RIPOR3: variants seen among roughly 807,000 people sequenced by gnomAD.
RIPOR3 encodes RIPOR family member 3, also known as family with sequence similarity 65 member C.
RIPOR3 carries 95 observed loss-of-function variants against 114.3 expected under a neutral mutation model. That is an observed-to-expected ratio of 0.83 (90% confidence interval 0.70 to 0.99). The LOEUF (loss-of-function observed/expected upper bound fraction) is 0.99, where lower values mean the gene tolerates loss of function less well. Ranked by LOEUF, RIPOR3 falls within the 50% of genes least tolerant of loss-of-function variation. The probability of loss-of-function intolerance (pLI) is 0.00; values close to 1 mark genes in which losing one functional copy is unlikely to be tolerated. For missense variants in RIPOR3, 1,252 were observed against 1,266.9 expected, an observed-to-expected ratio of 0.99 and a Z score of 0.18; for synonymous variants, 575 against 543.8, an observed-to-expected ratio of 1.06 and a Z score of -0.80.
At chr20:50,679,066 C>T (rs1167281712) in intron 1 of RIPOR3, among the ~76,000 whole-genome samples, 4 of 127,976 alleles carry the variant, frequency 3.1e-5, no homozygotes, top group Admixed American at 8.9e-5. Flanking sequence ...GATTGCACCA[C>T]TACACTCCAG....
chr20:50,661,492 C>T (rs1243135602), intron 1 of RIPOR3, among the ~76,000 whole-genome samples: 1 of 152,128 alleles, frequency 6.6e-6, no homozygotes, highest in Non-Finnish European at 1.5e-5. Context: ...ACAAACATTC[C>T]TCCCTAAAGC....
intron 2 of RIPOR3, among the ~76,000 whole-genome samples, chr20:50,628,867 G>A (rs2084717089): frequency 6.6e-6 from 1 of 152,214 alleles, no homozygotes; most frequent in Non-Finnish European, 1.5e-5. Flanking sequence ...GAGCCCCCAG[G>A]GAAAGGTTAG....
At position 50,587,877 on chromosome 20, in the gene RIPOR3, C is replaced by T. The variant is rs201626072; in HGVS notation, c.2677G>A (p.Asp893Asn). The T allele has an allele frequency of 1.4e-4, 229 of 1,614,062 alleles. No homozygotes were observed. The African/African-American group carries it at 2.7e-3, about 19-fold the overall frequency. The change falls in exon 21 of 22, where the codon GAC (aspartate) becomes AAC (asparagine). Residue 893 changes from aspartate to asparagine, a missense_variant. Transcript: ENST00000327979. ...LKHLKGIESI[D>N]QTASLCQSDL... ...GACTGGCACAGGCTGGCAGTCTGGT[C>T]GATGCTTTCAATGCCCTGTTCGAGA...
intron 1 of RIPOR3, among the ~76,000 whole-genome samples, chr20:50,673,185 A>G (rs2086579095): frequency 6.6e-6 from 1 of 152,142 alleles, no homozygotes; most frequent in Non-Finnish European, 1.5e-5. Flanking sequence ...ACTCTTCTCT[A>G]GATACCATCA....
At chr20:50,673,975 G>A (rs1382377251) in intron 1 of RIPOR3, among the ~76,000 whole-genome samples, 1 of 152,176 alleles carries the variant, frequency 6.6e-6, no homozygotes, top group Non-Finnish European at 1.5e-5. Context: ...TACACCCCTG[G>A]CAAGCTCTGC....
intron 1 of RIPOR3, among the ~76,000 whole-genome samples, chr20:50,677,512 C>G (rs1258745114): frequency 6.6e-6 from 1 of 151,590 alleles, no homozygotes; most frequent in Non-Finnish European, 1.5e-5. Context: ...GCTGGGATGA[C>G]AGACACACAC....
chr20:50,598,181 G>C (rs1306490773), intron 13 of RIPOR3, among the ~76,000 whole-genome samples: 1 of 152,178 alleles, frequency 6.6e-6, no homozygotes, highest in Non-Finnish European at 1.5e-5. Flanking sequence ...TTAAATACAT[G>C]GTGTAGGTCA....
At chr20:50,685,404 A>G (rs557521010) in intron 1 of RIPOR3, among the ~76,000 whole-genome samples, 1 of 151,122 alleles carries the variant, frequency 6.6e-6, no homozygotes. Context: ...TTTAGTAGAG[A>G]CGGGGTTTCA....
At chr20:50,637,093 C>T (rs2123296794) in intron 1 of RIPOR3, among the ~76,000 whole-genome samples, 1 of 152,318 alleles carries the variant, frequency 6.6e-6, no homozygotes, top group East Asian at 1.9e-4. Context: ...CCCGAGGAGG[C>T]TTCTCTGGGA....
In RIPOR3 at chr20:50,609,974, A is replaced by ACCCCGACCACCCCTGCCT. The variant is rs2123067220; in HGVS notation, c.427-253_427-252insAGGCAGGGGTGGTCGGGG. On this transcript the variant is annotated intron_variant, in intron 6 of 21. Transcript: ENST00000327979. ...ACCTGCCACCACTGCCTCACCTGCC[A>ACCCCGACCACCCCTGCCT]CCCCTACCACCCCTGCCTCACCTGC... Among the ~76,000 whole-genome samples, 2 of 70,558 alleles carry ACCCCGACCACCCCTGCCT rather than the reference A, an allele frequency of 2.8e-5. 1 individual carries two copies. Among genetic ancestry groups the ACCCCGACCACCCCTGCCT allele is most frequent in the Non-Finnish European group, 5.9e-5 (2 of 33,790 alleles). The allele number at this position is 70,558 out of a possible 152,430, so 46.3% of individuals were successfully genotyped here. A position where few individuals can be genotyped will look rare whatever the true frequency, so the allele number is the denominator to read the frequency against.
intron 1 of RIPOR3, among the ~76,000 whole-genome samples, chr20:50,678,532 T>C (rs1056995545): frequency 2.0e-5 from 3 of 152,120 alleles, no homozygotes; most frequent in Admixed American, 6.5e-5. Flanking sequence ...TCACATACCT[T>C]AAGGGGTGGG....
chr20:50,656,196 CG>C (rs2085806476), intron 1 of RIPOR3, among the ~76,000 whole-genome samples: 1 of 151,538 alleles, frequency 6.6e-6, no homozygotes, highest in Admixed American at 6.6e-5. Context: ...TTAGTAGAGA[CG>C]GGGTTTCACC....
rs2085240274 is a variant in RIPOR3, at chr20:50,642,512, ACCACTGGTGTTTAATTC to A, written c.4-11673_4-11657del. Among the ~76,000 whole-genome samples the A allele has an allele frequency of 2.6e-5, 4 of 151,970 alleles. No homozygotes were observed. In the South Asian group the frequency reaches 8.3e-4, roughly 32 times the overall value. ...CTAAGATTAAGTTGCTAATCTGTTA[ACCACTGGTGTTTAATTC>A]CCTGGGGGAGAAGCTTGTCTTCCCA... On this transcript the variant is annotated intron_variant, in intron 1 of 21. Transcript: ENST00000327979.
Position 50,604,730 on chromosome 20 carries a change from C to T in RIPOR3, c.1001G>A (p.Gly334Asp). ...ESFLVSPSPTGKFSMGSRKGS... is the reference protein window; with the variant it reads ...ESFLVSPSPTDKFSMGSRKGS... The stretch of plus-strand genomic sequence containing the variant: ...CTTCCTGCTGCCCATAGAAAACTTG[C>T]CCGTGGGGCTGGGTGACACCAGGAA... The change falls in exon 12 of 22, where the codon GGC (glycine) becomes GAC (aspartate). Residue 334 changes from glycine (G) to aspartate (D), a missense_variant. Transcript: ENST00000327979. The T allele has an allele frequency of 6.2e-7, 1 of 1,609,078 alleles. No homozygotes were observed. Among genetic ancestry groups the T allele is most frequent in the Non-Finnish European group, 8.5e-7 (1 of 1,178,066 alleles).
intron 1 of RIPOR3, among the ~76,000 whole-genome samples, chr20:50,682,656 T>C (rs1192216905): frequency 1.3e-5 from 1 of 76,566 alleles, no homozygotes; most frequent in Non-Finnish European, 3.3e-5. Flanking sequence ...GAAGACAAGA[T>C]ATATCTTTAC....
chr20:50,597,753 AC>A, intron 13 of RIPOR3, 43 bp from the exon 14 acceptor site: 1 of 1,598,526 alleles, frequency 6.3e-7, no homozygotes. Context: ...ACCGGGCCCC[AC>A]CCACCCGACT....
intron 1 of RIPOR3, among the ~76,000 whole-genome samples, chr20:50,678,767 G>C (rs937410808): frequency 6.6e-6 from 1 of 152,114 alleles, no homozygotes; most frequent in Non-Finnish European, 1.5e-5. Context: ...CTCCTTGCAA[G>C]TGCTTTGCAT....
intron 13 of RIPOR3, 21 bp from the exon 14 acceptor site, chr20:50,597,731 C>T (rs1221784461): frequency 6.2e-7 from 1 of 1,610,044 alleles, no homozygotes; most frequent in Non-Finnish European, 8.5e-7. Context: ...AGTGGCCAGA[C>T]CTGAGGGCAA....
At chr20:50,597,529 C>G in intron 14 of RIPOR3, 51 bp downstream of exon 14, 1 of 1,565,808 alleles carries the variant, frequency 6.4e-7, no homozygotes, top group African/African-American at 1.4e-5. Flanking sequence ...GCTCGGGTCA[C>G]CCGGTGGGAG....
Sources: allele counts gnomAD v4.1 joint callset (sites outside exome capture counted in the v4.1 genomes callset), GRCh38; gene constraint gnomAD v4.1.1; transcripts MANE v1.5; gene names NCBI Gene and HGNC (gene_info 2026-07-23, HGNC 2026-07-21).